SLCO5A1: variants seen among roughly 807,000 people sequenced by gnomAD.
The protein encoded by SLCO5A1 is organic anion transporter polypeptide-related protein 4.
In SLCO5A1, 39 loss-of-function variants were observed where a neutral mutation model predicts 65.1. The ratio of observed to expected loss-of-function variants is 0.60; its 90% CI spans 0.46 to 0.78. The LOEUF (loss-of-function observed/expected upper bound fraction) is 0.78. Among genes scored for constraint, SLCO5A1 ranks in the 30% least tolerant of loss-of-function variants. The pLI is 0.00. For synonymous variants in SLCO5A1, 438 were observed against 415.7 expected, an observed-to-expected ratio of 1.05 and a Z score of -0.65; for missense variants, 1,029 against 1,069.4, an observed-to-expected ratio of 0.96 and a Z score of 0.53.
At chr8:69,703,898 C>CCTAATAGACTTAAATAGCCTAG (rs1814854486) in intron 6 of SLCO5A1, among the ~76,000 whole-genome samples, 1 of 152,190 alleles carries the variant, frequency 6.6e-6, no homozygotes, top group Non-Finnish European at 1.5e-5. Flanking sequence ...CTTGCCTAGG[C>CCTAATAGACTTAAATAGCCTAG]TATTTAAGTC....
intron 2 of SLCO5A1, among the ~76,000 whole-genome samples, chr8:69,818,366 A>C (rs1284251201): frequency 6.6e-6 from 1 of 151,884 alleles, no homozygotes; most frequent in Non-Finnish European, 1.5e-5. Flanking sequence ...GCAGCAATGG[A>C]CTCCCCTGGG....
intron 7 of SLCO5A1, among the ~76,000 whole-genome samples, chr8:69,680,939 A>G (rs1813741075): frequency 2.0e-5 from 3 of 152,196 alleles, no homozygotes; most frequent in Non-Finnish European, 2.9e-5. Flanking sequence ...AAGCAGTCAT[A>G]AGAAAAAGTA....
chr8:69,729,379 A>G (rs1166003163), intron 5 of SLCO5A1, among the ~76,000 whole-genome samples: 1 of 140,802 alleles, frequency 7.1e-6, no homozygotes, highest in Non-Finnish European at 1.5e-5. Flanking sequence ...GGGAGGCGGA[A>G]CTTGCAGTGA....
chr8:69,775,768 C>T (rs909535903), intron 2 of SLCO5A1, among the ~76,000 whole-genome samples: 1 of 152,132 alleles, frequency 6.6e-6, no homozygotes, highest in African/African-American at 2.4e-5. Flanking sequence ...AATCCTAGCA[C>T]TTTGGGAGGC....
intron 2 of SLCO5A1, among the ~76,000 whole-genome samples, chr8:69,819,464 A>G (rs1820546450): frequency 6.6e-6 from 1 of 152,196 alleles, no homozygotes; most frequent in South Asian, 2.1e-4. Context: ...GATATGAGCT[A>G]CATTCTGCAA....
At chr8:69,741,400 A>G (rs530950703) in intron 4 of SLCO5A1, among the ~76,000 whole-genome samples, 1 of 152,320 alleles carries the variant, frequency 6.6e-6, no homozygotes, top group South Asian at 2.1e-4. Flanking sequence ...TTATGTTGTA[A>G]TAGGAACCCA....
chr8:69,829,768 A>G (rs143417554), intron 2 of SLCO5A1, among the ~76,000 whole-genome samples: 1 of 152,338 alleles, frequency 6.6e-6, no homozygotes, highest in African/African-American at 2.4e-5. Context: ...ATGATTATGA[A>G]CTTCCTTAGG....
intron 2 of SLCO5A1, among the ~76,000 whole-genome samples, chr8:69,826,512 CA>C (rs1376081602): frequency 1.3e-5 from 2 of 152,004 alleles, no homozygotes; most frequent in African/African-American, 4.8e-5. Context: ...TTTATGCAGC[CA>C]AAAAACACAC....
chr8:69,808,609 A>G (rs1292567804), intron 2 of SLCO5A1, among the ~76,000 whole-genome samples: 2 of 152,186 alleles, frequency 1.3e-5, no homozygotes, highest in Non-Finnish European at 2.9e-5. Context: ...TGCTATTGTG[A>G]ATAGTGCTGC....
In SLCO5A1 at chr8:69,821,495, A is replaced by AAAG. The variant is rs938241471; in HGVS notation, c.907+10269_907+10271dup. Among the ~76,000 whole-genome samples, 8 of 151,928 alleles carry AAAG rather than the reference A, an allele frequency of 5.3e-5. 1 individual carries two copies. Among genetic ancestry groups the AAAG allele is most frequent in the Non-Finnish European group, 7.4e-5 (5 of 67,948 alleles). On this transcript the variant is annotated intron_variant, in intron 2 of 9. Coordinates refer to ENST00000260126, the MANE Select transcript of SLCO5A1 (RefSeq NM_030958.3). ...AAGAAGGACAAGGAGAAGAAGAAGA[A>AAAG]AAGAAGAAGAAGAAGAAAATAGGCC...
At chr8:69,817,686 A>G (rs1407530668) in intron 2 of SLCO5A1, among the ~76,000 whole-genome samples, 2 of 152,112 alleles carry the variant, frequency 1.3e-5, no homozygotes, top group African/African-American at 4.8e-5. Flanking sequence ...CTTGAATAGT[A>G]CCCCTGGAGA....
chr8:69,776,355 G>T (rs1818553770), intron 2 of SLCO5A1, among the ~76,000 whole-genome samples: 1 of 152,132 alleles, frequency 6.6e-6, no homozygotes, highest in Non-Finnish European at 1.5e-5. Flanking sequence ...AAGTGAAAAT[G>T]AAGGATACAA....
At chr8:69,751,640 C>T (rs904786619) in intron 4 of SLCO5A1, among the ~76,000 whole-genome samples, 3 of 151,870 alleles carry the variant, frequency 2.0e-5, no homozygotes, top group African/African-American at 4.8e-5. Flanking sequence ...CTCCACCTCC[C>T]GGTTCAAGCG....
rs79132746 is a variant in SLCO5A1, at chr8:69,775,927, A to C, written c.908-14052T>G. ...CTACTTGGGAGGTTGAGCCAGGAAG[A>C]TGGCTTGAGCCCAGCAGACTAGGCT... On this transcript the variant is annotated intron_variant, in intron 2 of 9. Coordinates refer to ENST00000260126, the MANE Select transcript of SLCO5A1 (RefSeq NM_030958.3). 2.6e-5 allele frequency among the ~76,000 whole-genome samples: 4 copies of C among 152,260 alleles called. No homozygotes were observed. The East Asian group carries it at 7.7e-4, about 29-fold the overall frequency.
At position 69,723,606 on chromosome 8, in the gene SLCO5A1, G is replaced by GA. The variant is rs528232145; in HGVS notation, c.1423+14433dup. On this transcript the variant is annotated intron_variant, in intron 5 of 9. Coordinates refer to ENST00000260126, the MANE Select transcript of SLCO5A1 (RefSeq NM_030958.3). ...CACTTATCCTTTATATCCCTCAAAAGAAAAAAAATTTGAGGTGAGAGGAAA... is the reference window on the plus strand; with the variant it reads ...CACTTATCCTTTATATCCCTCAAAAGAAAAAAAAATTTGAGGTGAGAGGAAA... 1.9e-3 allele frequency among the ~76,000 whole-genome samples: 280 copies of GA among 150,968 alleles called. 3 individuals carry two copies. The highest frequency in any genetic ancestry group is 9.6e-3 in the South Asian group (46 of 4,792).
chr8:69,804,631 T>C (rs755088859), intron 2 of SLCO5A1, among the ~76,000 whole-genome samples: 4 of 152,200 alleles, frequency 2.6e-5, no homozygotes. Context: ...TTGTATTTTC[T>C]GAGTTTATTT....
Position 69,832,381 on chromosome 8 carries a change from C to T in SLCO5A1, c.293G>A (p.Arg98Lys). Reference protein sequence around the residue: ...TSAGLGDCNHRVDLSKTFSVS... With the variant: ...TSAGLGDCNHKVDLSKTFSVS... ...CGAGAAGGTTTTGCTGAGGTCCACC[C>T]TGTGGTTACAGTCCCCGAGCCCCGC... The change falls in exon 2 of 10, where the codon AGG becomes AAG. Residue 98 changes from arginine to lysine, a missense_variant. Transcript: ENST00000260126. This position sits in a 1 kb window ranked among gnomAD's most constrained non-coding sequence, Gnocchi z 4.5. 2.5e-6 allele frequency: 4 copies of T among 1,613,424 alleles called. No individual in the cohort carries two copies. Among genetic ancestry groups the T allele is most frequent in the Non-Finnish European group, 3.4e-6 (4 of 1,179,676 alleles).
intron 6 of SLCO5A1, chr8:69,700,642 C>T (rs1023144807): frequency 3.3e-5 from 5 of 151,686 alleles, no homozygotes; most frequent in African/African-American, 9.7e-5. Flanking sequence ...AAGGAAGCTC[C>T]CAGGAAGGAA....
chr8:69,694,545 G>A (rs1258456723), intron 6 of SLCO5A1, among the ~76,000 whole-genome samples: 2 of 152,216 alleles, frequency 1.3e-5, no homozygotes, highest in Non-Finnish European at 2.9e-5. Context: ...TGAGCAGGTT[G>A]TACACTGCAC....
Sources: allele counts gnomAD v4.1 joint callset (sites outside exome capture counted in the v4.1 genomes callset), GRCh38; gene constraint gnomAD v4.1.1; non-coding constraint Gnocchi (gnomAD v3.1); transcripts MANE v1.5; gene names NCBI Gene and HGNC (gene_info 2026-07-23, HGNC 2026-07-21).